The following SNX29 variants were observed in gnomAD, a reference collection of about 807,000 sequenced individuals.
The protein encoded by SNX29 is sorting nexin 29.
In SNX29, 78 loss-of-function variants were observed where a neutral mutation model predicts 102.1. That is an observed-to-expected ratio of 0.76 (90% CI 0.64 to 0.92). The LOEUF (loss-of-function observed/expected upper bound fraction) is 0.92. Ranked by LOEUF, SNX29 falls within the 40% of genes least tolerant of loss-of-function variation. The probability of loss-of-function intolerance (pLI) is 0.00; values close to 1 mark genes in which losing one functional copy is unlikely to be tolerated. For synonymous variants in SNX29, 580 were observed against 414.5 expected, an observed-to-expected ratio of 1.40 and a Z score of -4.85; for missense variants, 1,280 against 1,061.7, an observed-to-expected ratio of 1.21 and a Z score of -2.86.
chr16:12,196,201 C>G (rs945705527), intron 13 of SNX29, among the ~76,000 whole-genome samples: 1 of 152,094 alleles, frequency 6.6e-6, no homozygotes. Context: ...TTGTCCTGGG[C>G]TCAAGTAATT....
intron 15 of SNX29, among the ~76,000 whole-genome samples, chr16:12,282,652 T>A (rs2079471408): frequency 6.6e-6 from 1 of 152,126 alleles, no homozygotes; most frequent in Non-Finnish European, 1.5e-5. Context: ...CACAATTAAG[T>A]ATTTTTTTGT....
chr16:12,254,917 G>A (rs1034532646), intron 14 of SNX29, among the ~76,000 whole-genome samples: 5 of 152,176 alleles, frequency 3.3e-5, no homozygotes, highest in Middle Eastern at 3.2e-3. Context: ...AGGGCGAGTG[G>A]AGACAGCTCT....
chr16:12,326,838 G>T (rs930379355), intron 15 of SNX29, among the ~76,000 whole-genome samples: 2 of 152,224 alleles, frequency 1.3e-5, no homozygotes, highest in African/African-American at 2.4e-5. Flanking sequence ...TGGGCCTTGC[G>T]GGAGGTGTGA....
At chr16:12,538,377 A>G (rs926676737) in intron 20 of SNX29, among the ~76,000 whole-genome samples, 1 of 152,182 alleles carries the variant, frequency 6.6e-6, no homozygotes, top group Non-Finnish European at 1.5e-5. Flanking sequence ...GGCGTGAGCC[A>G]CCGCGCCCGG....
chr16:12,515,253 T>A (rs774493122), intron 19 of SNX29, among the ~76,000 whole-genome samples: 2 of 152,206 alleles, frequency 1.3e-5, no homozygotes, highest in Non-Finnish European at 2.9e-5. Flanking sequence ...ATGATCGCTT[T>A]GCATGTCTTT....
intron 3 of SNX29, among the ~76,000 whole-genome samples, chr16:12,025,302 C>CAAAAAAAAAAA (rs35724715): frequency 1.7e-4 from 10 of 60,566 alleles, no homozygotes; most frequent in African/African-American, 2.8e-4. Flanking sequence ...AACTCCATCT[C>CAAAAAAAAAAA]AAAAAAAAAA....
chr16:12,544,351 G>T (rs541991342), intron 20 of SNX29, among the ~76,000 whole-genome samples: 4 of 152,362 alleles, frequency 2.6e-5, no homozygotes, highest in African/African-American at 9.6e-5. Context: ...AGTACTGTTG[G>T]AAAGGAGAAG....
At chr16:12,058,259 G>T (rs1417507228) in intron 8 of SNX29, among the ~76,000 whole-genome samples, 1 of 152,128 alleles carries the variant, frequency 6.6e-6, no homozygotes, top group Non-Finnish European at 1.5e-5. Flanking sequence ...TAATGTTTTG[G>T]ATAATGTGGC....
At chr16:12,345,906 T>C (rs1475680646) in intron 15 of SNX29, among the ~76,000 whole-genome samples, 1 of 152,084 alleles carries the variant, frequency 6.6e-6, no homozygotes, top group Non-Finnish European at 1.5e-5. Context: ...TGTGGACAAA[T>C]GTGAATGTGG....
At chr16:12,188,094 C>G (rs1193355096) in intron 13 of SNX29, among the ~76,000 whole-genome samples, 1 of 152,088 alleles carries the variant, frequency 6.6e-6, no homozygotes, top group East Asian at 1.9e-4. Context: ...GAAAATAGTC[C>G]TCCTTGATTT....
chr16:12,543,719 G>C (rs2077451719), intron 20 of SNX29, among the ~76,000 whole-genome samples: 1 of 152,220 alleles, frequency 6.6e-6, no homozygotes, highest in South Asian at 2.1e-4. Context: ...GGGAATTAAT[G>C]AATTTTGGCA....
chr16:12,190,190 C>T (rs909920189), intron 13 of SNX29, among the ~76,000 whole-genome samples: 8 of 152,212 alleles, frequency 5.3e-5, no homozygotes, highest in Middle Eastern at 3.4e-3. Context: ...TCTGGAAGGA[C>T]CCTGGCCTAG....
chr16:12,285,440 T>A (rs1182045160), intron 15 of SNX29, among the ~76,000 whole-genome samples: 1 of 152,280 alleles, frequency 6.6e-6, no homozygotes, highest in Non-Finnish European at 1.5e-5. Flanking sequence ...GGTTAGTCCC[T>A]GAATTTTTCT....
chr16:12,012,170 C>T (rs2056675898), intron 3 of SNX29, among the ~76,000 whole-genome samples: 2 of 152,016 alleles, frequency 1.3e-5, no homozygotes, highest in African/African-American at 4.8e-5. Flanking sequence ...ATTATGGTGA[C>T]CTGTAATAAA....
At chr16:11,995,003 C>G (rs1263540105) in intron 1 of SNX29, among the ~76,000 whole-genome samples, 2 of 152,110 alleles carry the variant, frequency 1.3e-5, no homozygotes, top group Non-Finnish European at 2.9e-5. Flanking sequence ...CTCCACTGTT[C>G]CTCTCAGTTG....
intron 15 of SNX29, among the ~76,000 whole-genome samples, chr16:12,342,501 A>T (rs983861898): frequency 1.3e-5 from 2 of 152,216 alleles, no homozygotes; most frequent in Admixed American, 1.3e-4. Context: ...GTTTTAAACT[A>T]TACCATCTCG....
chr16:12,553,151 T>C (rs76005289), intron 20 of SNX29, among the ~76,000 whole-genome samples: 3,739 of 152,272 alleles, frequency 0.025, 348 homozygotes, highest in East Asian at 0.17. Context: ...AGCTCTGGGG[T>C]CCTTCCTGGG....
chr16:12,289,177 A>G (rs180849196), intron 15 of SNX29, among the ~76,000 whole-genome samples: 2 of 152,334 alleles, frequency 1.3e-5, no homozygotes, highest in Admixed American at 1.3e-4. Context: ...CTTGGATGGC[A>G]GGCCCCTTCT....
chr16:12,569,087 T>C lies in SNX29; in HGVS notation c.*458T>C. 6.3e-6 allele frequency: 1 copy of C among 159,190 alleles called. No individual in the cohort carries two copies. 9.9% of individuals were successfully genotyped at this position (159,190 alleles called of 1,614,324 possible). ...AGCCTCTCCTTTTGCTTTTTAAGGT[T>C]ATTACCTGGCCTAACCTAGGGATGG... On this transcript the variant is annotated 3_prime_UTR_variant, in exon 21 of 21. Transcript: ENST00000566228.
Sources: gnomAD v4.1 joint callset for allele counts (sites outside exome capture counted in the v4.1 genomes callset) on GRCh38, gnomAD v4.1.1 for gene constraint, MANE v1.5 for transcripts, NCBI Gene and HGNC (gene_info 2026-07-23, HGNC 2026-07-21) for gene names.